The following COL6A6 variants were observed in gnomAD, a reference collection of about 807,000 sequenced individuals.
The protein encoded by COL6A6 is collagen alpha-6(VI) chain.
In COL6A6, 183 loss-of-function variants were observed where a neutral mutation model predicts 208.6. The observed-to-expected ratio is 0.88, with a 90% CI of 0.78 to 0.99. The LOEUF is 0.99. COL6A6 is among the 50% of genes least tolerant of loss of function. The probability of loss-of-function intolerance (pLI) is 0.00; values close to 1 mark genes in which losing one functional copy is unlikely to be tolerated. For synonymous variants in COL6A6, 973 were observed against 1,011.8 expected (o/e 0.96, Z 0.73); for missense variants, 2,816 against 2,815.2 (o/e 1.00, Z -0.01).
chr3:130,652,152 T>C (rs2065663999), intron 33 of COL6A6, among the ~76,000 whole-genome samples: 1 of 152,254 alleles, frequency 6.6e-6, no homozygotes, highest in Non-Finnish European at 1.5e-5. Flanking sequence ...TTCTAGTTTA[T>C]TGGTCCCTGC....
At chr3:130,536,213 C>T (rs554052742) in intron 1 of COL6A6, among the ~76,000 whole-genome samples, 8 of 152,306 alleles carry the variant, frequency 5.3e-5, no homozygotes, top group Admixed American at 3.9e-4. Context: ...CTACACATAA[C>T]CAAATTCTGT....
intron 12 of COL6A6, among the ~76,000 whole-genome samples, chr3:130,590,331 C>CTTTTTTTTT (rs1553790278): frequency 3.9e-5 from 1 of 25,494 alleles, no homozygotes; most frequent in Non-Finnish European, 9.1e-5. Context: ...TTTTTTTTTA[C>CTTTTTTTTT]TATAAGTTCT....
intron 32 of COL6A6, 23 bp downstream of exon 32, chr3:130,645,025 A>G: frequency 6.2e-7 from 1 of 1,608,082 alleles, no homozygotes; most frequent in Non-Finnish European, 8.5e-7. Flanking sequence ...TATTTACAGC[A>G]TGCTTTAATC....
chr3:130,579,539 T>C lies in COL6A6; in HGVS notation c.3548-2022T>C, dbSNP rs548707083. Among the ~76,000 whole-genome samples the C allele has an allele frequency of 8.5e-5, 13 of 152,342 alleles. No homozygotes were observed. In the East Asian group the frequency reaches 2.5e-3, roughly 29 times the overall value. ...CAAGGGCTCAGCGGGCTACTCTTAC[T>C]TCTCTTATCACCCTCTGTAGCCAGT... On this transcript the variant is annotated intron_variant, in intron 8 of 36. Transcript: ENST00000358511.
In COL6A6 at chr3:130,574,303, C is replaced by T. The variant is rs753283154; in HGVS notation, c.3325C>T (p.Leu1109Phe). 5.0e-6 allele frequency: 8 copies of T among 1,613,900 alleles called. No homozygotes were observed. The East Asian group carries it at 1.1e-4, about 22-fold the overall frequency. ...NTGTPQVLLV[L>F]TDGQSQDEVA... is the part of the protein sequence containing the mutation. The stretch of plus-strand genomic sequence containing the variant: ...AGGTACCCCACAGGTGCTGCTGGTC[C>T]TTACAGATGGCCAGTCCCAAGACGA... Residue 1109 changes from leucine (L) to phenylalanine (F), a missense_variant, in exon 8 of 37, where the codon CTT becomes TTT. By Grantham distance (22) the Leu-to-Phe change is conservative. Coordinates refer to ENST00000358511, the MANE Select transcript of COL6A6 (RefSeq NM_001102608.3).
In COL6A6 at chr3:130,586,600, G is replaced by A; in HGVS notation, c.4065G>A (p.Glu1355=). 1.2e-6 allele frequency: 2 copies of A among 1,613,956 alleles called. No homozygotes were observed. The highest frequency in any genetic ancestry group is 1.7e-6 in the Non-Finnish European group (2 of 1,179,866). ...ATATTGAATTTGGGAAAGGATTTGA[G>A]TACAGGACACAGCTCTCTATTGGCA... is the stretch of plus-strand genomic sequence containing the variant. ...LPYIEFGKGF[E]YRTQLSIGMR... Residue 1355 remains glutamate, a synonymous_variant, in exon 11 of 37, where the codon GAG becomes GAA. Coordinates refer to ENST00000358511, the MANE Select transcript of COL6A6 (RefSeq NM_001102608.3).
rs532062936 is a variant in COL6A6, at chr3:130,609,992, A to G, written c.4753-657A>G. On this transcript the variant is annotated intron_variant, in intron 22 of 36. Coordinates refer to ENST00000358511, the MANE Select transcript of COL6A6 (RefSeq NM_001102608.3). ...TTTTTTTTTAACCTTCAAGCGAGAA[A>G]TAGTTGCCACTGGGGTTGTGGGGAA... is the stretch of plus-strand genomic sequence containing the variant. 1.5e-3 allele frequency among the ~76,000 whole-genome samples: 227 copies of G among 149,136 alleles called. 1 individual carries two copies. Among genetic ancestry groups the G allele is most frequent in the African/African-American group, 5.1e-3 (204 of 40,224 alleles).
chr3:130,566,707 G>A lies in COL6A6; in HGVS notation c.1288G>A (p.Val430Met), dbSNP rs2107896802. ...ACTTATTGATTCCTTTTTAGGTTGT[G>A]TGGACACTGAGGAAGCAGACATCTA... The part of the protein sequence containing the change: ...ERTETLKSGC[V>M]DTEEADIYLL... The change falls in exon 5 of 37, where the codon GTG becomes ATG. Residue 430 changes from valine (V) to methionine (M), a missense_variant. Transcript: ENST00000358511. 1 of 1,602,828 alleles carries A rather than the reference G, an allele frequency of 6.2e-7. No individual in the cohort carries two copies. The highest frequency in any genetic ancestry group is 8.5e-7 in the Non-Finnish European group (1 of 1,173,688).
rs756487090 is a variant in COL6A6, at chr3:130,662,135, G to A, written c.6329G>A (p.Cys2110Tyr). 7.4e-6 allele frequency: 12 copies of A among 1,614,028 alleles called. No homozygotes were observed. The highest frequency in any genetic ancestry group is 3.3e-5 in the Admixed American group (2 of 60,034). Residue 2110 changes from cysteine to tyrosine, a missense_variant, in exon 35 of 37, where the codon TGT (cysteine) becomes TAT (tyrosine). Cys to Tyr is a radical substitution (Grantham distance 194). Transcript: ENST00000358511. ...AAGAAGGAATCCTTGCGAGCCAAAT[G>A]TCAGGGATATGCCTTATTTGTGTTT... is the stretch of plus-strand genomic sequence containing the variant. ...ILKKESLRAK[C>Y]QGYALFVFSL...
chr3:130,574,130 A>C lies in COL6A6; in HGVS notation c.3152A>C (p.Glu1051Ala), dbSNP rs763775890. 1.7e-5 allele frequency: 28 copies of C among 1,613,908 alleles called. No homozygotes were observed. The South Asian group carries it at 2.9e-4, about 16-fold the overall frequency. The change falls in exon 8 of 37, where the codon GAG becomes GCG. Residue 1051 changes from glutamate (E) to alanine (A), a missense_variant. By Grantham distance (107) the Glu-to-Ala change is moderately radical. Transcript: ENST00000358511. The stretch of plus-strand genomic sequence containing the variant: ...CAGTTTAGCGATACCTATCACCCGG[A>C]GTTTCCACTGGGAACTTTCATAGGT... ...AAQFSDTYHPEFPLGTFIGEK... is the reference protein window; with the variant it reads ...AAQFSDTYHPAFPLGTFIGEK...
chr3:130,649,016 C>CTT lies in COL6A6; in HGVS notation c.5240-41_5240-40dup, dbSNP rs72391450. ...TAAAATTACTTTGCCTTCTATGTATCTTTTTTTTTTTTTAAATAAGGATGC... is the reference window on the plus strand; with the variant it reads ...TAAAATTACTTTGCCTTCTATGTATCTTTTTTTTTTTTTTTAAATAAGGATGC... On this transcript the variant is annotated intron_variant, in intron 32 of 36. Coordinates refer to ENST00000358511, the MANE Select transcript of COL6A6 (RefSeq NM_001102608.3). 9,475 of 1,124,320 alleles carry CTT rather than the reference C, an allele frequency of 8.4e-3. 141 individuals carry two copies. Among genetic ancestry groups the CTT allele is most frequent in the African/African-American group, 0.08 (5,003 of 62,336 alleles). The allele number at this position is 1,124,320 out of a possible 1,614,324, so 69.6% of individuals were successfully genotyped here.
At chr3:130,637,355 CA>C (rs1334241195) in intron 28 of COL6A6, among the ~76,000 whole-genome samples, 1 of 151,634 alleles carries the variant, frequency 6.6e-6, no homozygotes, top group Non-Finnish European at 1.5e-5. Flanking sequence ...AGCACGCTAA[CA>C]AGTTCATGGT....
rs571758812 is a variant in COL6A6 at position 130,556,932 on chromosome 3, G to A, written c.-31-3402G>A. Reference sequence around the variant, plus strand: ...TCCAGGGGATGGTTTCAAAACAGGCGTTCAGTGTTCAAATGTGCTCTTGGC... The same window carrying A: ...TCCAGGGGATGGTTTCAAAACAGGCATTCAGTGTTCAAATGTGCTCTTGGC... On this transcript the variant is annotated intron_variant, in intron 1 of 36. Transcript: ENST00000358511. Among the ~76,000 whole-genome samples the A allele has an allele frequency of 1.2e-4, 19 of 152,278 alleles. No homozygotes were observed. The South Asian group carries it at 1.5e-3, about 12-fold the overall frequency.
rs368360116 is a variant in COL6A6 at position 130,581,556 on chromosome 3, C to T, written c.3548-5C>T. 73 of 1,594,284 alleles carry T rather than the reference C, an allele frequency of 4.6e-5. No individual in the cohort carries two copies. The highest frequency in any genetic ancestry group is 5.9e-5 in the Non-Finnish European group (69 of 1,167,476). On this transcript the variant is annotated splice_polypyrimidine_tract_variant and splice_region_variant and intron_variant, in intron 8 of 36. Coordinates refer to ENST00000358511, the MANE Select transcript of COL6A6 (RefSeq NM_001102608.3). Reference sequence around the variant, plus strand: ...ATTAAGACATGCTTTTCCTTTGAATCCTAGACTGTTTCGTGGATGTTGTGG... The same window carrying T: ...ATTAAGACATGCTTTTCCTTTGAATTCTAGACTGTTTCGTGGATGTTGTGG...
chr3:130,575,559 A>C (rs2063275414), intron 8 of COL6A6, among the ~76,000 whole-genome samples: 1 of 152,174 alleles, frequency 6.6e-6, no homozygotes, highest in South Asian at 2.1e-4. Flanking sequence ...CCACATTTCC[A>C]GCTTGCTACA....
At position 130,649,348 on chromosome 3, in the gene COL6A6, G is replaced by A; in HGVS notation, c.5519G>A (p.Arg1840Lys). The A allele has an allele frequency of 6.2e-7, 1 of 1,610,898 alleles. No homozygotes were observed. ...CCTTATGAGAGATCCTCTGCCAGCA[G>A]GGAGATTGGCAGAGCAATGCGGTTT... is the stretch of plus-strand genomic sequence containing the variant. ...TIPYERSSAS[R>K]EIGRAMRFIS... The change falls in exon 33 of 37, where the codon AGG becomes AAG. Residue 1840 changes from arginine to lysine, a missense_variant. By Grantham distance (26) the Arg-to-Lys change is conservative (BLOSUM62 2). Coordinates refer to ENST00000358511, the MANE Select transcript of COL6A6 (RefSeq NM_001102608.3).
chr3:130,597,769 A>C (rs1191216066), intron 18 of COL6A6, among the ~76,000 whole-genome samples: 1 of 152,192 alleles, frequency 6.6e-6, no homozygotes, highest in Non-Finnish European at 1.5e-5. Context: ...GAAAATTCAA[A>C]ATTTCAGGAT....
chr3:130,540,757 G>A (rs1256636697), intron 1 of COL6A6, among the ~76,000 whole-genome samples: 1 of 152,122 alleles, frequency 6.6e-6, no homozygotes, highest in African/African-American at 2.4e-5. Context: ...AACATGAGGT[G>A]TTTGGGTTCC....
At chr3:130,641,041 G>A (rs1462836184) in intron 28 of COL6A6, among the ~76,000 whole-genome samples, 2 of 152,166 alleles carry the variant, frequency 1.3e-5, no homozygotes, top group African/African-American at 2.4e-5. Context: ...AATCACTTGA[G>A]AGTCACACGG....
Sources: allele counts gnomAD v4.1 joint callset (sites outside exome capture counted in the v4.1 genomes callset), GRCh38; gene constraint gnomAD v4.1.1; transcripts MANE v1.5; gene names NCBI Gene and HGNC (gene_info 2026-07-23, HGNC 2026-07-21).